Variants in NLGN1 observed in about 807,000 individuals in gnomAD.
NLGN1 encodes the protein neuroligin-1.
In NLGN1, 12 loss-of-function variants were observed where a neutral mutation model predicts 65.5. The observed-to-expected ratio is 0.18, with a 90% CI of 0.12 to 0.30. NLGN1 has a LOEUF of 0.30. Among genes scored for constraint, NLGN1 ranks in the 10% least tolerant of loss-of-function variants. The pLI, the probability that NLGN1 is intolerant of heterozygous loss-of-function variation, is 1.00. For missense variants in NLGN1, 750 were observed against 1,007.1 expected, an observed-to-expected ratio of 0.74 and a Z score of 3.46; for synonymous variants, 350 against 359.5, an observed-to-expected ratio of 0.97 and a Z score of 0.30.
At chr3:174,206,311 G>A (rs1296218726) in intron 4 of NLGN1, among the ~76,000 whole-genome samples, 2 of 152,232 alleles carry the variant, frequency 1.3e-5, no homozygotes, top group East Asian at 3.9e-4. Flanking sequence ...TCAGATACTG[G>A]GCTCGAGGAT....
chr3:173,712,121 A>G (rs969827612), intron 3 of NLGN1, among the ~76,000 whole-genome samples: 4 of 152,206 alleles, frequency 2.6e-5, no homozygotes, highest in Admixed American at 1.3e-4. Context: ...CTGCTTCATA[A>G]TAATGTATGG....
At chr3:173,773,223 A>G (rs1779840361) in intron 3 of NLGN1, among the ~76,000 whole-genome samples, 1 of 152,176 alleles carries the variant, frequency 6.6e-6, no homozygotes, top group Non-Finnish European at 1.5e-5. Context: ...AAAGCTTCTC[A>G]TACCAGACTG....
intron 2 of NLGN1, among the ~76,000 whole-genome samples, chr3:173,453,729 G>C (rs1213330411): frequency 6.6e-6 from 1 of 152,102 alleles, no homozygotes; most frequent in Admixed American, 6.6e-5. Flanking sequence ...TTTAATTCTA[G>C]TTCTCTTGCT....
At chr3:174,002,338 G>T (rs934341598) in intron 4 of NLGN1, among the ~76,000 whole-genome samples, 1 of 152,160 alleles carries the variant, frequency 6.6e-6, no homozygotes, top group Non-Finnish European at 1.5e-5. Context: ...ATGTTGGCCA[G>T]GCTGGTCTCA....
At chr3:174,048,263 T>C (rs1734061379) in intron 4 of NLGN1, among the ~76,000 whole-genome samples, 1 of 152,106 alleles carries the variant, frequency 6.6e-6, no homozygotes. Context: ...TCGTGATGTG[T>C]AATTTTGGAC....
intron 4 of NLGN1, among the ~76,000 whole-genome samples, chr3:173,818,895 CTT>C (rs200212547): frequency 1.5e-4 from 14 of 92,386 alleles, no homozygotes; most frequent in African/African-American, 2.8e-4. Flanking sequence ...TTGAATAGTT[CTT>C]TTTTTTTTTT....
intron 4 of NLGN1, among the ~76,000 whole-genome samples, chr3:174,056,480 CCTAA>C (rs1736109922): frequency 6.6e-6 from 1 of 151,672 alleles, no homozygotes; most frequent in Non-Finnish European, 1.5e-5. Flanking sequence ...ACTTTTTTCG[CCTAA>C]CTCAGGGACA....
At chr3:173,886,848 T>C (rs768505079) in intron 4 of NLGN1, among the ~76,000 whole-genome samples, 7 of 152,068 alleles carry the variant, frequency 4.6e-5, no homozygotes, top group Non-Finnish European at 1.0e-4. Flanking sequence ...ACCACTTGTC[T>C]TTGTAATCAC....
At chr3:173,556,763 C>T (rs372136138) in intron 2 of NLGN1, among the ~76,000 whole-genome samples, 1 of 151,702 alleles carries the variant, frequency 6.6e-6, no homozygotes, top group Admixed American at 6.6e-5. Context: ...ATGATTGCAC[C>T]ACTGCACTCC....
chr3:173,468,065 T>C (rs761308155), intron 2 of NLGN1, among the ~76,000 whole-genome samples: 8 of 152,128 alleles, frequency 5.3e-5, no homozygotes, highest in Non-Finnish European at 1.0e-4. Context: ...ACTATACTGG[T>C]TCATGATTGC....
chr3:174,130,713 A>G (rs1022341163), intron 4 of NLGN1, among the ~76,000 whole-genome samples: 28 of 152,192 alleles, frequency 1.8e-4, no homozygotes, highest in African/African-American at 6.8e-4. Flanking sequence ...GCAAAGGGAC[A>G]GAATTGTTCA....
intron 4 of NLGN1, among the ~76,000 whole-genome samples, chr3:174,141,745 G>A (rs921392826): frequency 6.6e-6 from 1 of 152,064 alleles, no homozygotes; most frequent in African/African-American, 2.4e-5. Context: ...AGAGAAGTGG[G>A]GAGAGATGAA....
At chr3:173,863,763 G>A (rs1398658906) in intron 4 of NLGN1, among the ~76,000 whole-genome samples, 14 of 152,164 alleles carry the variant, frequency 9.2e-5, no homozygotes, top group East Asian at 1.9e-4. Context: ...AATCAGCTGC[G>A]TTACTGGCAG....
At chr3:173,515,809 A>G (rs1411760203) in intron 2 of NLGN1, among the ~76,000 whole-genome samples, 1 of 151,930 alleles carries the variant, frequency 6.6e-6, no homozygotes, top group Admixed American at 6.6e-5. Flanking sequence ...CGTAGCCCTC[A>G]TTTCCTGAAG....
chr3:174,061,721 A>G (rs1398367576), intron 4 of NLGN1, among the ~76,000 whole-genome samples: 2 of 152,172 alleles, frequency 1.3e-5, no homozygotes, highest in African/African-American at 2.4e-5. Context: ...CTTCAAGTCA[A>G]TTTATTTAGA....
At chr3:174,061,580 G>A (rs969192037) in intron 4 of NLGN1, among the ~76,000 whole-genome samples, 2 of 152,058 alleles carry the variant, frequency 1.3e-5, no homozygotes, top group Non-Finnish European at 2.9e-5. Flanking sequence ...ATTCTTTAAA[G>A]GATCTAAAGG....
chr3:173,429,645 C>G (rs1245917049), intron 1 of NLGN1, among the ~76,000 whole-genome samples: 1 of 152,160 alleles, frequency 6.6e-6, no homozygotes, highest in East Asian at 1.9e-4. Context: ...GTATGTATGA[C>G]TAGAAGTCCT....
chr3:173,773,157 C>T (rs1028728211), intron 3 of NLGN1, among the ~76,000 whole-genome samples: 1 of 152,120 alleles, frequency 6.6e-6, no homozygotes, highest in Non-Finnish European at 1.5e-5. Flanking sequence ...GCCTTTTCCC[C>T]ACTGTGCTCA....
intron 3 of NLGN1, among the ~76,000 whole-genome samples, chr3:173,734,575 T>C: frequency 6.6e-6 from 1 of 151,400 alleles, no homozygotes; most frequent in Non-Finnish European, 1.5e-5. Context: ...TTTTTATTTT[T>C]TATTTTTTGT....
Sources: allele counts gnomAD v4.1 joint callset (sites outside exome capture counted in the v4.1 genomes callset), GRCh38; gene constraint gnomAD v4.1.1; transcripts MANE v1.5; gene names NCBI Gene and HGNC (gene_info 2026-07-23, HGNC 2026-07-21).